The following CSMD3 variants were observed in gnomAD, a reference collection of about 807,000 sequenced individuals.
The protein encoded by CSMD3 is CUB and sushi domain-containing protein 3.
Under a neutral mutation model 435.2 loss-of-function variants are expected in CSMD3, and 177 were observed. The ratio of observed to expected loss-of-function variants is 0.41; its 90% CI spans 0.36 to 0.46. The LOEUF is 0.46. Among genes scored for constraint, CSMD3 ranks in the 20% least tolerant of loss-of-function variants. The pLI, the probability that CSMD3 is intolerant of heterozygous loss-of-function variation, is 0.34. For missense variants in CSMD3, 4,265 were observed against 4,504.6 expected (o/e 0.95, Z 1.52); for synonymous variants, 1,656 against 1,520.5 (o/e 1.09, Z -2.07).
chr8:113,357,520 T>C (rs568384325), intron 1 of CSMD3, among the ~76,000 whole-genome samples: 1 of 152,328 alleles, frequency 6.6e-6, no homozygotes, highest in African/African-American at 2.4e-5. Context: ...ATGAAAGAAG[T>C]ATAAAATAAT....
At chr8:113,290,527 C>T (rs1286832609) in intron 2 of CSMD3, among the ~76,000 whole-genome samples, 1 of 151,602 alleles carries the variant, frequency 6.6e-6, no homozygotes. Flanking sequence ...CACCACTGCC[C>T]TCTGAGATGA....
intron 27 of CSMD3, among the ~76,000 whole-genome samples, chr8:112,518,650 G>T (rs1563649022): frequency 6.6e-6 from 1 of 151,656 alleles, no homozygotes; most frequent in African/African-American, 2.4e-5. Context: ...GAGAGAGAGA[G>T]AGAGAGGGAA....
At chr8:112,257,008 A>G (rs1033065168) in intron 61 of CSMD3, among the ~76,000 whole-genome samples, 1 of 152,176 alleles carries the variant, frequency 6.6e-6, no homozygotes, top group South Asian at 2.1e-4. Context: ...TTAATGTCCA[A>G]ATAAAACCTT....
chr8:113,088,458 C>G (rs1172742626), intron 5 of CSMD3, among the ~76,000 whole-genome samples: 1 of 146,098 alleles, frequency 6.8e-6, no homozygotes, highest in Non-Finnish European at 1.5e-5. Flanking sequence ...TTGGAACCAA[C>G]CCAAATGTCC....
intron 10 of CSMD3, among the ~76,000 whole-genome samples, chr8:112,863,800 C>T (rs1017825525): frequency 1.3e-5 from 2 of 151,832 alleles, no homozygotes; most frequent in African/African-American, 4.8e-5. Context: ...TTGAGAAATT[C>T]AGCTGAAATT....
chr8:113,408,118 G>T (rs1480248393), intron 1 of CSMD3, among the ~76,000 whole-genome samples: 1 of 151,808 alleles, frequency 6.6e-6, no homozygotes, highest in African/African-American at 2.4e-5. Context: ...TTAAAGAGTT[G>T]GATTGTCTAA....
At chr8:112,801,623 TA>T (rs2078964611) in intron 12 of CSMD3, among the ~76,000 whole-genome samples, 1 of 152,080 alleles carries the variant, frequency 6.6e-6, no homozygotes, top group African/African-American at 2.4e-5. Context: ...TATATACACA[TA>T]ATCATTTGAA....
chr8:112,791,932 C>G (rs573679741), intron 13 of CSMD3, among the ~76,000 whole-genome samples: 1 of 152,108 alleles, frequency 6.6e-6, no homozygotes. Flanking sequence ...AGTAGTATCT[C>G]TTTGTAGTTG....
intron 27 of CSMD3, among the ~76,000 whole-genome samples, chr8:112,518,699 G>C (rs1823961001): frequency 6.6e-6 from 1 of 151,050 alleles, no homozygotes; most frequent in Non-Finnish European, 1.5e-5. Flanking sequence ...CTCTGGAATG[G>C]TTTCTACCCA....
At chr8:112,998,154 A>T (rs2085725079) in intron 6 of CSMD3, among the ~76,000 whole-genome samples, 1 of 151,798 alleles carries the variant, frequency 6.6e-6, no homozygotes, top group East Asian at 1.9e-4. Flanking sequence ...AGCCTTGAAG[A>T]TAGCTATTAT....
intron 4 of CSMD3, among the ~76,000 whole-genome samples, chr8:113,115,716 T>C (rs982420583): frequency 7.9e-5 from 12 of 152,230 alleles, no homozygotes; most frequent in Non-Finnish European, 1.5e-4. Context: ...TTTTGAGATA[T>C]GGTTATTATG....
chr8:112,582,360 T>A (rs1045734924), intron 23 of CSMD3, among the ~76,000 whole-genome samples: 27 of 151,908 alleles, frequency 1.8e-4, no homozygotes, highest in Admixed American at 1.3e-4. Flanking sequence ...CCATTTAACC[T>A]CTTTTCCTTA....
chr8:112,271,539 A>T lies in CSMD3; in HGVS notation c.9509-5949T>A, dbSNP rs532541274. On this transcript the variant is annotated intron_variant, in intron 59 of 70. Coordinates refer to ENST00000297405, the MANE Select transcript of CSMD3 (RefSeq NM_198123.2). ...AGTACAGAAGAAGAGATAAAAGTATACTAAAGAACATGGATTCTTGAGTGA... is the reference window on the plus strand; with the variant it reads ...AGTACAGAAGAAGAGATAAAAGTATTCTAAAGAACATGGATTCTTGAGTGA... Among the ~76,000 whole-genome samples, 273 of 152,292 alleles carry T rather than the reference A, an allele frequency of 1.8e-3. 1 individual carries two copies. Among genetic ancestry groups the T allele is most frequent in the African/African-American group, 6.2e-3 (256 of 41,594 alleles).
intron 3 of CSMD3, among the ~76,000 whole-genome samples, chr8:113,190,603 T>C (rs1002092106): frequency 6.6e-6 from 1 of 151,826 alleles, no homozygotes; most frequent in African/African-American, 2.4e-5. Flanking sequence ...TCTCTACCTC[T>C]GCCTCTTAAA....
intron 5 of CSMD3, among the ~76,000 whole-genome samples, chr8:113,022,003 G>T (rs555104260): frequency 3.3e-5 from 5 of 152,106 alleles, no homozygotes; most frequent in East Asian, 1.9e-4. Flanking sequence ...GGTTATAGGC[G>T]AGTCACATGG....
intron 22 of CSMD3, 68 bp from the exon 23 acceptor site, chr8:112,587,303 G>A (rs1830815455): frequency 8.9e-7 from 1 of 1,127,488 alleles, no homozygotes; most frequent in Admixed American, 1.7e-5. Flanking sequence ...GCAATATCAT[G>A]TATGGAAGTG....
At chr8:112,490,048 G>A (rs897414633) in intron 31 of CSMD3, among the ~76,000 whole-genome samples, 2 of 152,046 alleles carry the variant, frequency 1.3e-5, no homozygotes, top group African/African-American at 4.8e-5. Flanking sequence ...CATAACACCT[G>A]ATGCAAGATG....
At chr8:112,588,928 G>C (rs962763729) in intron 22 of CSMD3, among the ~76,000 whole-genome samples, 4 of 152,058 alleles carry the variant, frequency 2.6e-5, no homozygotes, top group Non-Finnish European at 5.9e-5. Flanking sequence ...ATACAGGTAT[G>C]TTTGTGGAGG....
At chr8:112,594,710 AC>A (rs780162782) in intron 22 of CSMD3, among the ~76,000 whole-genome samples, 1 of 151,778 alleles carries the variant, frequency 6.6e-6, no homozygotes, top group African/African-American at 2.4e-5. Flanking sequence ...CTAACCCCTG[AC>A]CCCCCGAGCA....
Sources: gnomAD v4.1 joint callset for allele counts (sites outside exome capture counted in the v4.1 genomes callset) on GRCh38, gnomAD v4.1.1 for gene constraint, MANE v1.5 for transcripts, NCBI Gene and HGNC (gene_info 2026-07-23, HGNC 2026-07-21) for gene names.